NBAS: variants seen among roughly 807,000 people sequenced by gnomAD.
The protein encoded by NBAS is NBAS subunit of NRZ tethering complex.
A neutral mutation model predicts 302.5 loss-of-function variants in NBAS; 219 were observed. The observed-to-expected ratio is 0.72, with a 90% CI of 0.65 to 0.81. The LOEUF is 0.81. NBAS is among the 30% of genes least tolerant of loss of function. The probability of loss-of-function intolerance (pLI) is 0.00; values close to 1 mark genes in which losing one functional copy is unlikely to be tolerated. For synonymous variants in NBAS, 1,118 were observed against 1,021.6 expected, an observed-to-expected ratio of 1.09 and a Z score of -1.80; for missense variants, 2,932 against 2,841.6, an observed-to-expected ratio of 1.03 and a Z score of -0.72.
Position 15,476,130 on chromosome 2 carries a change from T to A in NBAS, c.1148-250A>T, listed in dbSNP as rs573572558. 9.2e-5 allele frequency among the ~76,000 whole-genome samples: 14 copies of A among 152,220 alleles called. No individual in the cohort carries two copies. The East Asian group carries it at 2.7e-3, about 29-fold the overall frequency. ...CAGTCTAGGTCTAAAATTCTAAGGA[T>A]ACAAAGGCAAATAAACTGAGGTCTT... On this transcript the variant is annotated intron_variant, in intron 13 of 51. Transcript: ENST00000281513.
At chr2:15,455,181 G>A (rs1167455827) in intron 21 of NBAS, among the ~76,000 whole-genome samples, 1 of 152,176 alleles carries the variant, frequency 6.6e-6, no homozygotes, top group Non-Finnish European at 1.5e-5. Context: ...GGGATTACAG[G>A]CGTGAGCCAC....
At chr2:15,060,432 GATC>G in the NBAS span, among the ~76,000 whole-genome samples, 1 of 152,134 alleles carries the variant, frequency 6.6e-6, no homozygotes, top group African/African-American at 2.4e-5. Context: ...TCTGCAGGAA[GATC>G]ATATTTTATT....
the NBAS span, among the ~76,000 whole-genome samples, chr2:15,111,152 A>G: frequency 6.6e-6 from 1 of 152,128 alleles, no homozygotes; most frequent in Non-Finnish European, 1.5e-5. Flanking sequence ...TTCTACCATA[A>G]TGAGAGAAGT....
At chr2:15,368,212 T>G (rs1175012085) in intron 31 of NBAS, among the ~76,000 whole-genome samples, 1 of 145,240 alleles carries the variant, frequency 6.9e-6, no homozygotes, top group African/African-American at 2.6e-5. Flanking sequence ...TTTTTTTTTT[T>G]TTTTTGAGAT....
intron 21 of NBAS, among the ~76,000 whole-genome samples, chr2:15,453,372 G>A (rs1355138562): frequency 6.6e-6 from 1 of 152,206 alleles, no homozygotes; most frequent in Non-Finnish European, 1.5e-5. Context: ...TGTTCTAAAT[G>A]AAGGCAGGTG....
the NBAS span, among the ~76,000 whole-genome samples, chr2:14,999,501 A>G: frequency 6.6e-6 from 1 of 152,036 alleles, no homozygotes; most frequent in Non-Finnish European, 1.5e-5. Context: ...TGTTCTGGTG[A>G]TAGTGAACGA....
At chr2:14,822,099 T>C in the NBAS span, among the ~76,000 whole-genome samples, 1 of 152,152 alleles carries the variant, frequency 6.6e-6, no homozygotes, top group Admixed American at 6.5e-5. Flanking sequence ...GATCATCCTA[T>C]GTGGTAAGCA....
the NBAS span, among the ~76,000 whole-genome samples, chr2:14,817,133 AACC>A: frequency 2.4e-3 from 365 of 152,232 alleles, no homozygotes; most frequent in African/African-American, 8.0e-3. Context: ...GCTTCCCCCA[AACC>A]AACCCATGTC....
chr2:15,061,148 A>G, the NBAS span, among the ~76,000 whole-genome samples: 86 of 152,150 alleles, frequency 5.7e-4, no homozygotes, highest in Middle Eastern at 9.5e-3. Context: ...GAGACACAAG[A>G]CTCACGCTCT....
At chr2:14,910,072 G>C in the NBAS span, among the ~76,000 whole-genome samples, 2 of 152,162 alleles carry the variant, frequency 1.3e-5, no homozygotes, top group Non-Finnish European at 2.9e-5. Context: ...TCAGTTTAGC[G>C]GGGAGAGTTC....
chr2:14,955,987 A>C, the NBAS span, among the ~76,000 whole-genome samples: 21,769 of 152,070 alleles, frequency 0.14, 1,991 homozygotes, highest in African/African-American at 0.26. Flanking sequence ...TTTTTCTTTT[A>C]TATTGCATTG....
At chr2:14,793,927 G>T in the NBAS span, among the ~76,000 whole-genome samples, 1 of 152,070 alleles carries the variant, frequency 6.6e-6, no homozygotes, top group Non-Finnish European at 1.5e-5. Context: ...GAAAAAAAAT[G>T]CTAACTGTGA....
intron 44 of NBAS, among the ~76,000 whole-genome samples, chr2:15,274,648 T>C (rs1481024223): frequency 6.6e-6 from 1 of 152,182 alleles, no homozygotes; most frequent in African/African-American, 2.4e-5. Flanking sequence ...AGGGATTGAG[T>C]GCAGTCAAAG....
the NBAS span, among the ~76,000 whole-genome samples, chr2:14,829,379 C>G: frequency 6.6e-6 from 1 of 152,110 alleles, no homozygotes; most frequent in East Asian, 1.9e-4. Context: ...TAGTACCAAT[C>G]TTCTCCTGTA....
chr2:15,157,159 G>A, the NBAS span, among the ~76,000 whole-genome samples: 3 of 152,178 alleles, frequency 2.0e-5, no homozygotes, highest in Non-Finnish European at 2.9e-5. Flanking sequence ...TGTCTTTCCC[G>A]CCTGAGTGTC....
At chr2:15,454,061 G>A (rs1679141317) in intron 21 of NBAS, among the ~76,000 whole-genome samples, 1 of 152,162 alleles carries the variant, frequency 6.6e-6, no homozygotes, top group Non-Finnish European at 1.5e-5. Flanking sequence ...ACAGGCGTGA[G>A]CCACCACACC....
chr2:15,400,682 C>T (rs1676109397), intron 26 of NBAS, among the ~76,000 whole-genome samples: 1 of 152,090 alleles, frequency 6.6e-6, no homozygotes, highest in Non-Finnish European at 1.5e-5. Flanking sequence ...TTACTAATAC[C>T]AGTCTTAGAA....
chr2:15,353,830 A>T, intron 33 of NBAS, 120 bp from the exon 34 acceptor site: 1 of 1,149,878 alleles, frequency 8.7e-7, no homozygotes, highest in Non-Finnish European at 1.3e-6. Flanking sequence ...CATAGTCATT[A>T]GTGACACATT....
chr2:15,388,741 T>A (rs185380622), intron 28 of NBAS, among the ~76,000 whole-genome samples: 1 of 152,176 alleles, frequency 6.6e-6, no homozygotes, highest in Non-Finnish European at 1.5e-5. Flanking sequence ...AATTCAAATG[T>A]CCATCAACAG....
Sources: allele counts gnomAD v4.1 joint callset (sites outside exome capture counted in the v4.1 genomes callset), GRCh38; gene constraint gnomAD v4.1.1; transcripts MANE v1.5; gene names NCBI Gene and HGNC (gene_info 2026-07-23, HGNC 2026-07-21).